The following SYCN variants were observed in gnomAD, a reference collection of about 807,000 sequenced individuals.
The protein encoded by SYCN is syncollin.
Under a neutral mutation model 12.6 loss-of-function variants are expected in SYCN, and 16 were observed. The ratio of observed to expected loss-of-function variants is 1.27; its 90% CI spans 0.86 to 1.92. SYCN has a LOEUF of 1.92. Ranked by LOEUF, SYCN falls within the 30% of genes most tolerant of loss-of-function variation. The pLI, the probability that SYCN is intolerant of heterozygous loss-of-function variation, is 0.00. For synonymous variants in SYCN, 97 were observed against 88.4 expected (o/e 1.10, Z -0.55); for missense variants, 226 against 181.8 (o/e 1.24, Z -1.40).
chr19:39,204,095 C>A lies in SYCN; in HGVS notation c.160G>T (p.Gly54Trp), dbSNP rs781474157. Residue 54 changes from glycine (G) to tryptophan (W), a missense_variant, in exon 1 of 2, where the codon GGG (glycine) becomes TGG (tryptophan). Coordinates refer to ENST00000318438, the MANE Select transcript of SYCN (RefSeq NM_001080468.4). ...KSDPYYENCC[G>W]GAELSLESGA... ...GACTCCAGCGACAGCTCGGCGCCCC[C>A]GCAGCAGTTCTCATAGTAGGGGTCG... The A allele has an allele frequency of 2.5e-6, 4 of 1,613,060 alleles. No individual in the cohort carries two copies.
Position 39,204,163 on chromosome 19 carries a change from T to C in SYCN, c.92A>G (p.His31Arg). 2 of 1,612,384 alleles carry C rather than the reference T, an allele frequency of 1.2e-6. No homozygotes were observed. The highest frequency in any genetic ancestry group is 1.7e-6 in the Non-Finnish European group (2 of 1,179,612). ...GGCGCAAGTGCGCGTCCCGTCCGAGTGCTTGAGGTCGGCGGAGGCGGGGCA... is the reference window on the plus strand; with the variant it reads ...GGCGCAAGTGCGCGTCCCGTCCGAGCGCTTGAGGTCGGCGGAGGCGGGGCA... ...GACPASADLK[H>R]SDGTRTCAKL... Residue 31 changes from histidine to arginine, a missense_variant, in exon 1 of 2, where the codon CAC becomes CGC. Physicochemically the swap from His to Arg is conservative, Grantham distance 29. Coordinates refer to ENST00000318438, the MANE Select transcript of SYCN (RefSeq NM_001080468.4).
At position 39,202,925 on chromosome 19, in the gene SYCN, G is replaced by T; in HGVS notation, c.*62C>A. 1.3e-6 allele frequency: 2 copies of T among 1,559,048 alleles called. No individual in the cohort carries two copies. Among genetic ancestry groups the T allele is most frequent in the Non-Finnish European group, 8.7e-7 (1 of 1,152,892 alleles). ...CTTGGGGCCCCGGAGCAGAGCCCAGGGATGGGCTGAGTGAGGGGCTTGGCA... is the reference window on the plus strand; with the variant it reads ...CTTGGGGCCCCGGAGCAGAGCCCAGTGATGGGCTGAGTGAGGGGCTTGGCA... On this transcript the variant is annotated 3_prime_UTR_variant, in exon 2 of 2. Coordinates refer to ENST00000318438, the MANE Select transcript of SYCN (RefSeq NM_001080468.4).
chr19:39,204,013 A>G lies in SYCN; in HGVS notation c.242T>C (p.Val81Ala), dbSNP rs747432384. 6.8e-6 allele frequency: 11 copies of G among 1,611,474 alleles called. No individual in the cohort carries two copies. In the East Asian group the frequency reaches 1.8e-4, roughly 26 times the overall value. Reference sequence around the variant, plus strand: ...GGTGAGCTCGCAGCGCGGGGCCACCACAAGTGAGGAGGCGGTGTTGGCCCA... The same window carrying G: ...GGTGAGCTCGCAGCGCGGGGCCACCGCAAGTGAGGAGGCGGTGTTGGCCCA... ...SNWANTASSL[V>A]VAPRCELTVW... The change falls in exon 1 of 2, where the codon GTG becomes GCG. Residue 81 changes from valine to alanine, a missense_variant. Coordinates refer to ENST00000318438, the MANE Select transcript of SYCN (RefSeq NM_001080468.4).
intron 1 of SYCN, among the ~76,000 whole-genome samples, chr19:39,203,399 T>C (rs1380300577): frequency 6.6e-6 from 1 of 151,494 alleles, no homozygotes; most frequent in Non-Finnish European, 1.5e-5. Context: ...TGGGTTAGTT[T>C]TGGAGTCTGG....
intron 1 of SYCN, among the ~76,000 whole-genome samples, chr19:39,203,391 G>T (rs982813253): frequency 1.3e-5 from 2 of 152,004 alleles, no homozygotes; most frequent in Middle Eastern, 3.4e-3. Context: ...TTGAGGTCTG[G>T]GTTAGTTTTG....
rs1173524995 is a variant in SYCN at position 39,203,967 on chromosome 19, C to T, written c.288G>A (p.Lys96=). ...CELTVWSRQG[K]AGKTHKFSAG... ...CAGAGAACTTGTGCGTCTTGCCCGC[C>T]TTGCCTTGCCGGGACCACACGGTGA... The change falls in exon 1 of 2, where the codon AAG becomes AAA. Residue 96 remains lysine, a synonymous_variant. Coordinates refer to ENST00000318438, the MANE Select transcript of SYCN (RefSeq NM_001080468.4). 1 of 1,609,430 alleles carries T rather than the reference C, an allele frequency of 6.2e-7. No individual in the cohort carries two copies. The highest frequency in any genetic ancestry group is 8.5e-7 in the Non-Finnish European group (1 of 1,178,124).
Position 39,204,049 on chromosome 19 carries a change from A to T in SYCN, c.206T>A (p.Leu69Gln). 1 of 1,612,670 alleles carries T rather than the reference A, an allele frequency of 6.2e-7. No homozygotes were observed. Among genetic ancestry groups the T allele is most frequent in the Non-Finnish European group, 8.5e-7 (1 of 1,179,352 alleles). The change falls in exon 1 of 2, where the codon CTG becomes CAG. Residue 69 changes from leucine (L) to glutamine (Q), a missense_variant. Physicochemically the swap from Leu to Gln is moderately radical, Grantham distance 113. Transcript: ENST00000318438. ...SLESGADLPY[L>Q]PSNWANTASS... ...GGCGGTGTTGGCCCAGTTGGAGGGC[A>T]GGTAGGGCAGGTCTGCGCCCGACTC...
chr19:39,203,280 G>A (rs2074795902), intron 1 of SYCN, among the ~76,000 whole-genome samples: 2 of 152,066 alleles, frequency 1.3e-5, no homozygotes, highest in African/African-American at 2.4e-5. Flanking sequence ...CTTGGGGGTG[G>A]GCTGTGGGAC....
At position 39,203,030 on chromosome 19, in the gene SYCN, C is replaced by G. The variant is rs73553708; in HGVS notation, c.396-34G>C. The G allele has an allele frequency of 0.01, 16,018 of 1,559,476 alleles. 1,332 individuals carry two copies. The African/African-American group carries it at 0.19, about 18-fold the overall frequency. On this transcript the variant is annotated intron_variant, in intron 1 of 1. Transcript: ENST00000318438. Reference sequence around the variant, plus strand: ...TAATCAAGAATTCCTTCCAGGGGCTCTCAGAGACCCAGAGTCTGGTGAGTT... The same window carrying G: ...TAATCAAGAATTCCTTCCAGGGGCTGTCAGAGACCCAGAGTCTGGTGAGTT...
chr19:39,203,713 TG>T, intron 1 of SYCN, 146 bp downstream of exon 1: 1 of 941,160 alleles, frequency 1.1e-6, no homozygotes, highest in Non-Finnish European at 1.5e-6. Context: ...CCTCCAGGAC[TG>T]GTTCTAGGGA....
In SYCN at chr19:39,203,977, C is replaced by G. The variant is rs371160576; in HGVS notation, c.278G>C (p.Arg93Pro). The G allele has an allele frequency of 6.8e-6, 11 of 1,609,218 alleles. No individual in the cohort carries two copies. Among genetic ancestry groups the G allele is most frequent in the East Asian group, 6.7e-5 (3 of 44,674 alleles). Residue 93 changes from arginine to proline, a missense_variant, in exon 1 of 2, where the codon CGG becomes CCG. Coordinates refer to ENST00000318438, the MANE Select transcript of SYCN (RefSeq NM_001080468.4). ...GTGCGTCTTGCCCGCCTTGCCTTGC[C>G]GGGACCACACGGTGAGCTCGCAGCG... ...APRCELTVWS[R>P]QGKAGKTHKF... is the part of the protein sequence containing the mutation.
Position 39,203,953 on chromosome 19 carries a change from T to C in SYCN, c.302A>G (p.His101Arg). The C allele has an allele frequency of 6.2e-7, 1 of 1,609,720 alleles. No homozygotes were observed. The highest frequency in any genetic ancestry group is 8.5e-7 in the Non-Finnish European group (1 of 1,178,244). The change falls in exon 1 of 2, where the codon CAC becomes CGC. Residue 101 changes from histidine to arginine, a missense_variant. Physicochemically the swap from His to Arg is conservative, Grantham distance 29 (BLOSUM62 0). Coordinates refer to ENST00000318438, the MANE Select transcript of SYCN (RefSeq NM_001080468.4). ...CGGGTAGGTGCCGGCAGAGAACTTG[T>C]GCGTCTTGCCCGCCTTGCCTTGCCG... ...WSRQGKAGKT[H>R]KFSAGTYPRL... is the part of the protein sequence containing the mutation.
rs754443615 is a variant in SYCN, at chr19:39,204,081, C to T, written c.174G>A (p.Leu58=). Residue 58 remains leucine (L), a synonymous_variant, in exon 1 of 2, where the codon CTG becomes CTA. Coordinates refer to ENST00000318438, the MANE Select transcript of SYCN (RefSeq NM_001080468.4). ...GCAGGTCTGCGCCCGACTCCAGCGACAGCTCGGCGCCCCCGCAGCAGTTCT... is the reference window on the plus strand; with the variant it reads ...GCAGGTCTGCGCCCGACTCCAGCGATAGCTCGGCGCCCCCGCAGCAGTTCT... ...YYENCCGGAE[L]SLESGADLPY... is the part of the protein sequence containing the mutation. The T allele has an allele frequency of 7.4e-6, 12 of 1,613,036 alleles. No individual in the cohort carries two copies. Among genetic ancestry groups the T allele is most frequent in the Non-Finnish European group, 9.3e-6 (11 of 1,179,576 alleles).
Position 39,204,091 on chromosome 19 carries a change from C to T in SYCN, c.164G>A (p.Gly55Asp). 1.2e-6 allele frequency: 2 copies of T among 1,613,028 alleles called. No homozygotes were observed. The highest frequency in any genetic ancestry group is 1.1e-5 in the South Asian group (1 of 91,064). Residue 55 changes from glycine (G) to aspartate (D), a missense_variant, in exon 1 of 2, where the codon GGC becomes GAC. Coordinates refer to ENST00000318438, the MANE Select transcript of SYCN (RefSeq NM_001080468.4). ...SDPYYENCCG[G>D]AELSLESGAD... The stretch of plus-strand genomic sequence containing the variant: ...GCCCGACTCCAGCGACAGCTCGGCG[C>T]CCCCGCAGCAGTTCTCATAGTAGGG...
Position 39,202,974 on chromosome 19 carries a change from G to T in SYCN, c.*13C>A. On this transcript the variant is annotated 3_prime_UTR_variant, in exon 2 of 2. Transcript: ENST00000318438. Reference sequence around the variant, plus strand: ...CACTCTGTGGAAGCTGCAGATGAGAGACCAGCAATGCATCAGCTGCACCTG... The same window carrying T: ...CACTCTGTGGAAGCTGCAGATGAGATACCAGCAATGCATCAGCTGCACCTG... The T allele has an allele frequency of 1.3e-6, 2 of 1,581,268 alleles. No homozygotes were observed. Among genetic ancestry groups the T allele is most frequent in the Non-Finnish European group, 8.6e-7 (1 of 1,164,450 alleles).
intron 1 of SYCN, 110 bp downstream of exon 1, chr19:39,203,750 G>A (rs1471199498): frequency 1.5e-6 from 2 of 1,299,016 alleles, no homozygotes; most frequent in African/African-American, 1.5e-5. Context: ...GTTACAGTCG[G>A]GAGCTCAGGG....
At chr19:39,203,820 T>G in intron 1 of SYCN, 40 bp downstream of exon 1, 1 of 1,541,260 alleles carries the variant, frequency 6.5e-7, no homozygotes. Flanking sequence ...AGCTGGGGCC[T>G]GGGCCTGGGG....
rs1322235465 is a variant in SYCN at position 39,204,052 on chromosome 19, T to C, written c.203A>G (p.Tyr68Cys). The change falls in exon 1 of 2, where the codon TAC (tyrosine) becomes TGC (cysteine). Residue 68 changes from tyrosine (Y) to cysteine (C), a missense_variant. Physicochemically the swap from Tyr to Cys is radical, Grantham distance 194. Coordinates refer to ENST00000318438, the MANE Select transcript of SYCN (RefSeq NM_001080468.4). ...GGTGTTGGCCCAGTTGGAGGGCAGG[T>C]AGGGCAGGTCTGCGCCCGACTCCAG... Reference protein sequence around the residue: ...LSLESGADLPYLPSNWANTAS... With the variant: ...LSLESGADLPCLPSNWANTAS... 1 of 1,612,766 alleles carries C rather than the reference T, an allele frequency of 6.2e-7. No homozygotes were observed.
rs1312711783 is a variant in SYCN, at chr19:39,203,926, C to A, written c.329G>T (p.Arg110Leu). ...GATGCCCCGGCGGTACTCCTCCAGG[C>A]GCGGGTAGGTGCCGGCAGAGAACTT... The part of the protein sequence containing the change: ...THKFSAGTYP[R>L]LEEYRRGILG... The change falls in exon 1 of 2, where the codon CGC (arginine) becomes CTC (leucine). Residue 110 changes from arginine (R) to leucine (L), a missense_variant. Transcript: ENST00000318438. 1 of 1,611,442 alleles carries A rather than the reference C, an allele frequency of 6.2e-7. No homozygotes were observed. The highest frequency in any genetic ancestry group is 1.1e-5 in the South Asian group (1 of 90,658).
Sources: gnomAD v4.1 joint callset for allele counts (sites outside exome capture counted in the v4.1 genomes callset) on GRCh38, gnomAD v4.1.1 for gene constraint, MANE v1.5 for transcripts, NCBI Gene and HGNC (gene_info 2026-07-23, HGNC 2026-07-21) for gene names.